The following FGFR2 variants were observed in gnomAD, a reference collection of about 807,000 sequenced individuals.
FGFR2 encodes the protein BEK fibroblast growth factor receptor.
In FGFR2, 19 loss-of-function variants were observed where a neutral mutation model predicts 95.9. The ratio of observed to expected loss-of-function variants is 0.20; its 90% CI spans 0.14 to 0.29. The LOEUF is 0.29. Ranked by LOEUF, FGFR2 falls within the 10% of genes least tolerant of loss-of-function variation. The probability of loss-of-function intolerance (pLI) is 1.00; values close to 1 mark genes in which losing one functional copy is unlikely to be tolerated. For synonymous variants in FGFR2, 392 were observed against 393.3 expected (o/e 1.00, Z 0.04); for missense variants, 707 against 1,056.9 (o/e 0.67, Z 4.59).
At chr10:121,506,261 G>A (rs1238840261) in intron 9 of FGFR2, among the ~76,000 whole-genome samples, 2 of 150,318 alleles carry the variant, frequency 1.3e-5, no homozygotes, top group Admixed American at 6.7e-5. Context: ...GGGAGGCTGA[G>A]GCAGGAGAAT....
chr10:121,502,889 A>G (rs1274001793), intron 10 of FGFR2, among the ~76,000 whole-genome samples: 4 of 152,122 alleles, frequency 2.6e-5, no homozygotes, highest in Non-Finnish European at 5.9e-5. Context: ...TGCCTAGAGG[A>G]CGAGGGCTAG....
At position 121,568,955 on chromosome 10, in the gene FGFR2, C is replaced by T. The variant is rs138930182; in HGVS notation, c.110-3251G>A. Among the ~76,000 whole-genome samples, 7 of 152,274 alleles carry T rather than the reference C, an allele frequency of 4.6e-5. No individual in the cohort carries two copies. The South Asian group carries it at 8.3e-4, about 18-fold the overall frequency. Reference sequence around the variant, plus strand: ...AGGATGAAGCCCTGAGTTCCCACGCCTCTCCATTCCTGCTTAACCTTTTGG... The same window carrying T: ...AGGATGAAGCCCTGAGTTCCCACGCTTCTCCATTCCTGCTTAACCTTTTGG... On this transcript the variant is annotated intron_variant, in intron 2 of 17. Coordinates refer to ENST00000358487, the MANE Select transcript of FGFR2 (RefSeq NM_000141.5).
intron 5 of FGFR2, among the ~76,000 whole-genome samples, chr10:121,544,759 C>T (rs1047115286): frequency 1.3e-5 from 2 of 152,152 alleles, no homozygotes; most frequent in African/African-American, 4.8e-5. Context: ...GGTTGCACAA[C>T]ACCATGAATG....
chr10:121,581,931 TGA>T (rs1191046819), intron 2 of FGFR2, among the ~76,000 whole-genome samples: 2 of 108,726 alleles, frequency 1.8e-5, no homozygotes, highest in African/African-American at 9.2e-5. Context: ...TTATTTATTT[TGA>T]TTTTTTTTTT....
At chr10:121,525,801 A>G (rs1374580890) in intron 6 of FGFR2, among the ~76,000 whole-genome samples, 1 of 152,214 alleles carries the variant, frequency 6.6e-6, no homozygotes, top group Admixed American at 6.5e-5. Context: ...AAAAATGTCC[A>G]CCGAGCCGAG....
At chr10:121,594,220 C>CA in intron 1 of FGFR2, 2 of 408,876 alleles carry the variant, frequency 4.9e-6, no homozygotes, top group South Asian at 5.4e-5. Flanking sequence ...CTACAGGACT[C>CA]AGATACGTGC....
intron 2 of FGFR2, among the ~76,000 whole-genome samples, chr10:121,581,545 G>A (rs1860865954): frequency 1.3e-5 from 2 of 148,726 alleles, no homozygotes; most frequent in Admixed American, 6.7e-5. Context: ...TTGAGACCAG[G>A]CTGGGCAACA....
chr10:121,593,064 C>T (rs372823613), intron 2 of FGFR2, among the ~76,000 whole-genome samples: 9 of 152,112 alleles, frequency 5.9e-5, no homozygotes, highest in East Asian at 3.9e-4. Flanking sequence ...GTGACACCGG[C>T]GCATGCCCTG....
Position 121,490,367 on chromosome 10 carries a change from T to C in FGFR2, c.1864-2254A>G, listed in dbSNP as rs1649196. Among the ~76,000 whole-genome samples, 294 of 152,256 alleles carry C rather than the reference T, an allele frequency of 1.9e-3. 2 individuals carry two copies. Among genetic ancestry groups the C allele is most frequent in the African/African-American group, 6.1e-3 (255 of 41,562 alleles). On this transcript the variant is annotated intron_variant, in intron 13 of 17. Transcript: ENST00000358487. ...TTGGTAGAGATAGGGTTTCACCATG[T>C]TGGTCAGGCTGGTCTCAAACTCCTG...
chr10:121,496,721 C>T lies in FGFR2; in HGVS notation c.1674G>A (p.Gly558=). 6.2e-7 allele frequency: 1 copy of T among 1,611,800 alleles called. No individual in the cohort carries two copies. The highest frequency in any genetic ancestry group is 1.1e-5 in the South Asian group (1 of 90,950). The change falls in exon 13 of 18, where the codon GGG becomes GGA. Residue 558 remains glycine (G), a splice_region_variant and synonymous_variant. Coordinates refer to ENST00000358487, the MANE Select transcript of FGFR2 (RefSeq NM_000141.5). ...CATACTCAACTATGACATAGAGAGGCCCTGTTGAGGAAGAAGAGAAGCTCC... is the reference window on the plus strand; with the variant it reads ...CATACTCAACTATGACATAGAGAGGTCCTGTTGAGGAAGAAGAGAAGCTCC... ...INLLGACTQD[G]PLYVIVEYAS...
At chr10:121,536,225 T>C (rs1406841099) in intron 6 of FGFR2, among the ~76,000 whole-genome samples, 2 of 152,226 alleles carry the variant, frequency 1.3e-5, no homozygotes, top group Non-Finnish European at 2.9e-5. Context: ...ATTCTTATTT[T>C]ATTAGTGCTT....
chr10:121,590,677 T>C (rs17102287), intron 2 of FGFR2, among the ~76,000 whole-genome samples: 28,489 of 152,182 alleles, frequency 0.19, 2,768 homozygotes, highest in East Asian at 0.28. Context: ...TGACATATGA[T>C]ATGATACGAT....
intron 2 of FGFR2, 33 bp from the exon 3 acceptor site, chr10:121,565,737 A>G (rs2135126456): frequency 6.2e-7 from 1 of 1,613,964 alleles, no homozygotes; most frequent in Non-Finnish European, 8.5e-7. Context: ...AGACGGAGAC[A>G]GATGGGAAGG....
intron 9 of FGFR2, among the ~76,000 whole-genome samples, chr10:121,509,207 T>C (rs1848696925): frequency 6.6e-6 from 1 of 152,172 alleles, no homozygotes; most frequent in African/African-American, 2.4e-5. Context: ...GATAAGTGAG[T>C]TACTTATAAA....
At chr10:121,498,341 T>C (rs41293745) in intron 12 of FGFR2, among the ~76,000 whole-genome samples, 154 bp downstream of exon 12, 107 of 152,316 alleles carry the variant, frequency 7.0e-4, no homozygotes, top group African/African-American at 2.5e-3. Context: ...TTTGTGTTCA[T>C]GGCTAGGAAC....
At chr10:121,571,508 C>T (rs917536841) in intron 2 of FGFR2, among the ~76,000 whole-genome samples, 1 of 151,358 alleles carries the variant, frequency 6.6e-6, no homozygotes, top group African/African-American at 2.4e-5. Context: ...GGTTTTACCA[C>T]GTTGCCCAGC....
chr10:121,534,842 T>C (rs1051000108), intron 6 of FGFR2, among the ~76,000 whole-genome samples: 1 of 152,214 alleles, frequency 6.6e-6, no homozygotes, highest in African/African-American at 2.4e-5. Flanking sequence ...AGCCTGATGT[T>C]TTCATCTGCT....
At chr10:121,480,085 T>G (rs1844476941) in intron 17 of FGFR2, 64 bp from the exon 18 acceptor site, 735 of 1,451,368 alleles carry the variant, frequency 5.1e-4, no homozygotes, top group Non-Finnish European at 6.5e-4. Context: ...TGAATACGGT[T>G]CGAGAGGCTG....
Position 121,592,742 on chromosome 10 carries a change from C to G in FGFR2, c.109+967G>C, listed in dbSNP as rs556102249. On this transcript the variant is annotated intron_variant, in intron 2 of 17. Coordinates refer to ENST00000358487, the MANE Select transcript of FGFR2 (RefSeq NM_000141.5). ...TGTTCCCAGAGCAGCTCAGCTTACC[C>G]CAGACACCACTCGGACTGCTGCGGG... 1.6e-3 allele frequency among the ~76,000 whole-genome samples: 239 copies of G among 152,236 alleles called. 2 individuals carry two copies. Among genetic ancestry groups the G allele is most frequent in the African/African-American group, 5.2e-3 (216 of 41,544 alleles).
Sources: gnomAD v4.1 joint callset for allele counts (sites outside exome capture counted in the v4.1 genomes callset) on GRCh38, gnomAD v4.1.1 for gene constraint, MANE v1.5 for transcripts, NCBI Gene and HGNC (gene_info 2026-07-23, HGNC 2026-07-21) for gene names.